The following OSBPL6 variants were observed in gnomAD, a reference collection of about 807,000 sequenced individuals.
The protein encoded by OSBPL6 is oxysterol binding protein like 6, also known as oxysterol-binding protein-related protein 6.
OSBPL6 carries 49 observed loss-of-function variants against 125.8 expected under a neutral mutation model. The observed-to-expected ratio is 0.39, with a 90% CI of 0.31 to 0.49. The LOEUF is 0.49. Ranked by LOEUF, OSBPL6 falls within the 20% of genes least tolerant of loss-of-function variation. The pLI, the probability that OSBPL6 is intolerant of heterozygous loss-of-function variation, is 0.88. For synonymous variants in OSBPL6, 394 were observed against 391.8 expected (o/e 1.01, Z -0.07); for missense variants, 986 against 1,135.4 (o/e 0.87, Z 1.89).
chr2:178,349,629 G>A (rs1691053831), intron 12 of OSBPL6, among the ~76,000 whole-genome samples: 1 of 152,054 alleles, frequency 6.6e-6, no homozygotes, highest in African/African-American at 2.4e-5. Context: ...GGGATAAAAA[G>A]TTATTGTACG....
chr2:178,333,913 G>T (rs1412097015), intron 8 of OSBPL6, among the ~76,000 whole-genome samples: 1 of 152,212 alleles, frequency 6.6e-6, no homozygotes, highest in Non-Finnish European at 1.5e-5. Flanking sequence ...TTCAGAGACA[G>T]TAAAAAATTT....
At chr2:178,273,466 G>A (rs910023920) in intron 1 of OSBPL6, among the ~76,000 whole-genome samples, 1 of 151,994 alleles carries the variant, frequency 6.6e-6, no homozygotes, top group East Asian at 1.9e-4. Flanking sequence ...TGTATTCCCA[G>A]CTACTCGGGA....
Position 178,373,905 on chromosome 2 carries a change from C to T in OSBPL6, c.1411C>T (p.His471Tyr), listed in dbSNP as rs1173963520. Residue 471 changes from histidine to tyrosine, a missense_variant, in exon 15 of 25, where the codon CAT becomes TAT. This residue lies in a region of OSBPL6 where 843 missense variants were observed against 997.3 expected (regional missense o/e 0.85). Transcript: ENST00000190611. ...PSPDEAGEQI[H>Y]VSLPLSQQVA... ...TCTTCTGCAGGCTGGTGAGCAAATCCATGTCAGTCTCCCCTTATCACAGCA... is the reference window on the plus strand; with the variant it reads ...TCTTCTGCAGGCTGGTGAGCAAATCTATGTCAGTCTCCCCTTATCACAGCA... 1.1e-5 allele frequency: 17 copies of T among 1,613,998 alleles called. No homozygotes were observed. Among genetic ancestry groups the T allele is most frequent in the Non-Finnish European group, 1.4e-5 (17 of 1,179,956 alleles).
chr2:178,277,725 G>A (rs2092498096), intron 1 of OSBPL6, among the ~76,000 whole-genome samples: 1 of 152,174 alleles, frequency 6.6e-6, no homozygotes, highest in South Asian at 2.1e-4. Flanking sequence ...AACACGTGAG[G>A]CTGTCTAGGT....
At chr2:178,326,229 A>G (rs902182779) in intron 4 of OSBPL6, among the ~76,000 whole-genome samples, 1 of 151,942 alleles carries the variant, frequency 6.6e-6, no homozygotes, top group African/African-American at 2.4e-5. Context: ...ACTCACCCAC[A>G]TACATCTGCA....
chr2:178,356,893 A>G (rs759280601), intron 12 of OSBPL6, among the ~76,000 whole-genome samples: 1 of 152,228 alleles, frequency 6.6e-6, no homozygotes, highest in Non-Finnish European at 1.5e-5. Context: ...AAACAGATAC[A>G]TAGACCAATG....
At position 178,396,160 on chromosome 2, in the gene OSBPL6, A is replaced by G. The variant is rs1695834207; in HGVS notation, c.*601A>G. 6.0e-6 allele frequency: 1 copy of G among 167,062 alleles called. No individual in the cohort carries two copies. The highest frequency in any genetic ancestry group is 1.3e-5 in the Non-Finnish European group (1 of 75,728). The allele number at this position is 167,062 out of a possible 1,614,324, so 10.3% of individuals were successfully genotyped here. On this transcript the variant is annotated 3_prime_UTR_variant, in exon 25 of 25. Coordinates refer to ENST00000190611, the MANE Select transcript of OSBPL6 (RefSeq NM_032523.4). ...TAAATCATTTTTAAAATGTGTGCTC[A>G]TAGGTTTATGTGAAGAACAGATTTT...
intron 1 of OSBPL6, among the ~76,000 whole-genome samples, chr2:178,282,715 G>C (rs540867346): frequency 3.9e-5 from 6 of 152,324 alleles, no homozygotes; most frequent in African/African-American, 9.6e-5. Flanking sequence ...GCAATGGCAT[G>C]ATCTCAGCTC....
At chr2:178,338,189 T>A (rs1485576000) in intron 9 of OSBPL6, among the ~76,000 whole-genome samples, 1 of 152,056 alleles carries the variant, frequency 6.6e-6, no homozygotes. Context: ...CACCTCTGCC[T>A]CCCGACGTGC....
At chr2:178,222,714 T>C (rs1031506186) in intron 1 of OSBPL6, among the ~76,000 whole-genome samples, 1 of 152,154 alleles carries the variant, frequency 6.6e-6, no homozygotes, top group African/African-American at 2.4e-5. Context: ...CTTTTAACAT[T>C]TGAAAAGTAA....
At chr2:178,289,619 T>G (rs1174405802) in intron 2 of OSBPL6, among the ~76,000 whole-genome samples, 3 of 152,232 alleles carry the variant, frequency 2.0e-5, no homozygotes, top group Non-Finnish European at 4.4e-5. Flanking sequence ...TTTCCCTGAT[T>G]GTCTCAAAAT....
At chr2:178,266,833 GC>G (rs2092246678) in intron 1 of OSBPL6, among the ~76,000 whole-genome samples, 1 of 152,174 alleles carries the variant, frequency 6.6e-6, no homozygotes, top group Non-Finnish European at 1.5e-5. Flanking sequence ...TGGGGTCCAA[GC>G]TTTTTCCTGG....
intron 23 of OSBPL6, 38 bp downstream of exon 23, chr2:178,392,576 C>G: frequency 6.2e-7 from 1 of 1,607,332 alleles, no homozygotes; most frequent in East Asian, 2.2e-5. Context: ...CAGACTATGG[C>G]TGGGTGCAGT....
intron 15 of OSBPL6, among the ~76,000 whole-genome samples, chr2:178,377,837 A>G (rs1049852228): frequency 1.3e-5 from 2 of 151,316 alleles, no homozygotes; most frequent in African/African-American, 4.9e-5. Context: ...GGGTTTTTCT[A>G]TTTATTTTTG....
chr2:178,327,657 C>A (rs1688810480), intron 4 of OSBPL6, among the ~76,000 whole-genome samples: 1 of 151,130 alleles, frequency 6.6e-6, no homozygotes, highest in South Asian at 2.1e-4. Flanking sequence ...GAAATGCAAC[C>A]CAGGGGCTCC....
At chr2:178,376,603 A>G (rs1003846781) in intron 15 of OSBPL6, among the ~76,000 whole-genome samples, 1 of 152,088 alleles carries the variant, frequency 6.6e-6, no homozygotes, top group Non-Finnish European at 1.5e-5. Context: ...AAATCTGATC[A>G]TGTCCGTATT....
At chr2:178,338,300 A>G (rs1371867896) in intron 9 of OSBPL6, among the ~76,000 whole-genome samples, 2 of 152,016 alleles carry the variant, frequency 1.3e-5, no homozygotes, top group African/African-American at 4.8e-5. Context: ...GTGATATTTT[A>G]TTGTATAGAT....
intron 1 of OSBPL6, among the ~76,000 whole-genome samples, chr2:178,230,745 A>ACC (rs2090781739): frequency 6.6e-6 from 1 of 152,206 alleles, no homozygotes; most frequent in African/African-American, 2.4e-5. Context: ...TAGATTATAA[A>ACC]TATAAAAAAG....
rs1050368199 is a variant in OSBPL6 at position 178,285,079 on chromosome 2, G to A, written c.-198G>A. On this transcript the variant is annotated 5_prime_UTR_variant, in exon 2 of 25. Transcript: ENST00000190611. ...GGATAAATCACTGTGAAACAGCTTT[G>A]ACCATAAAGCTGACTTGGAAGACTT... 11 of 398,460 alleles carry A rather than the reference G, an allele frequency of 2.8e-5. No individual in the cohort carries two copies. The highest frequency in any genetic ancestry group is 1.1e-4 in the East Asian group (3 of 28,076). 24.7% of individuals were successfully genotyped at this position (398,460 alleles called of 1,614,324 possible). A position where few individuals can be genotyped will look rare whatever the true frequency, so the allele number is the denominator to read the frequency against.
Sources: gnomAD v4.1 joint callset for allele counts (sites outside exome capture counted in the v4.1 genomes callset) on GRCh38, gnomAD v4.1.1 for gene constraint, gnomAD v4.1.1 regional missense constraint, MANE v1.5 for transcripts, NCBI Gene and HGNC (gene_info 2026-07-23, HGNC 2026-07-21) for gene names.